The following TEX14 variants were observed in gnomAD, a reference collection of about 807,000 sequenced individuals.
TEX14 encodes testis expressed 14, intercellular bridge forming factor.
Under a neutral mutation model 178.6 loss-of-function variants are expected in TEX14, and 168 were observed. The observed-to-expected ratio is 0.94, with a 90% confidence interval of 0.83 to 1.07. The LOEUF (loss-of-function observed/expected upper bound fraction) is 1.07, where lower values mean the gene tolerates loss of function less well. Ranked by LOEUF, TEX14 falls within the 50% of genes least tolerant of loss-of-function variation. The probability of loss-of-function intolerance (pLI) is 0.00; values close to 1 mark genes in which losing one functional copy is unlikely to be tolerated. For missense variants in TEX14, 1,730 were observed against 1,753.6 expected (o/e 0.99, Z 0.24); for synonymous variants, 626 against 634.1 (o/e 0.99, Z 0.19).
intron 2 of TEX14, among the ~76,000 whole-genome samples, chr17:58,633,823 C>T (rs2046374122): frequency 6.6e-6 from 1 of 152,026 alleles, no homozygotes; most frequent in Non-Finnish European, 1.5e-5. Flanking sequence ...CAAAAATTAG[C>T]TGGGCATGGT....
At chr17:58,581,273 T>C (rs1374094081) in intron 19 of TEX14, among the ~76,000 whole-genome samples, 1 of 150,708 alleles carries the variant, frequency 6.6e-6, no homozygotes, top group African/African-American at 2.4e-5. Flanking sequence ...ATCACACCAC[T>C]GCACTCCAGC....
At chr17:58,573,077 T>A in intron 23 of TEX14, 104 bp downstream of exon 23, 1 of 1,495,112 alleles carries the variant, frequency 6.7e-7, no homozygotes, top group Non-Finnish European at 9.0e-7. Context: ...CTTTGCACTA[T>A]GACAACACAG....
rs1431403203 is a variant in TEX14, at chr17:58,613,414, A to G, written c.1005+7T>C. 5 of 1,613,976 alleles carry G rather than the reference A, an allele frequency of 3.1e-6. No homozygotes were observed. The South Asian group carries it at 5.5e-5, about 18-fold the overall frequency. On this transcript the variant is annotated splice_region_variant and intron_variant, in intron 9 of 31. Coordinates refer to ENST00000349033, the MANE Select transcript of TEX14 (RefSeq NM_031272.5). ...GCAATGGAAAATCCACGGAAACAGCAGTTTACTCGTTCATGAAGGACACTG... is the reference window on the plus strand; with the variant it reads ...GCAATGGAAAATCCACGGAAACAGCGGTTTACTCGTTCATGAAGGACACTG...
At chr17:58,615,188 T>C (rs768617196) in intron 8 of TEX14, 44 bp downstream of exon 8, 5 of 1,167,204 alleles carry the variant, frequency 4.3e-6, no homozygotes, top group South Asian at 2.5e-5. Flanking sequence ...CCTGAGTCTG[T>C]AGAGAGACCT....
rs756856156 is a variant in TEX14 at position 58,579,689 on chromosome 17, C to T, written c.3214G>A (p.Ala1072Thr). The change falls in exon 20 of 32, where the codon GCA becomes ACA. Residue 1072 changes from alanine (A) to threonine (T), a missense_variant. Ala to Thr is a moderately conservative substitution (Grantham distance 58). Around this residue, in one of 2 missense-constraint regions of TEX14, gnomAD observed 941 missense variants for 1,072.4 expected, o/e 0.88. Transcript: ENST00000349033. ...CCAGAGACTTGAGGTTGGGCAAATG[C>T]ACCTTGTATTCCTTCAAAGTCCTCT... ...IEEDFEGIQGAFAQPQVSGEE... is the reference protein window; with the variant it reads ...IEEDFEGIQGTFAQPQVSGEE... 30 of 1,613,898 alleles carry T rather than the reference C, an allele frequency of 1.9e-5. No individual in the cohort carries two copies. The highest frequency in any genetic ancestry group is 1.8e-4 in the South Asian group (16 of 91,066).
At chr17:58,651,214 G>C (rs1226146456) in intron 2 of TEX14, among the ~76,000 whole-genome samples, 7 of 152,164 alleles carry the variant, frequency 4.6e-5, no homozygotes, top group African/African-American at 1.4e-4. Context: ...GGAGGTTGAG[G>C]CTGCAGTGAG....
chr17:58,611,166 C>T lies in TEX14; in HGVS notation c.1179G>A (p.Leu393=), dbSNP rs755086962. ...CCACTCCATGTTATGCCCACCTTTC[C>T]AACATGTACTCCAGGTTGGTCAGCC... The part of the protein sequence containing the change: ...EARLTNLEYM[L]ESEDRGVQRD... Residue 393 remains leucine (L), a synonymous_variant, in exon 10 of 32, where the codon TTG becomes TTA. Transcript: ENST00000349033. 4 of 1,612,846 alleles carry T rather than the reference C, an allele frequency of 2.5e-6. No homozygotes were observed. In the South Asian group the frequency reaches 3.3e-5, roughly 13 times the overall value.
intron 19 of TEX14, among the ~76,000 whole-genome samples, chr17:58,580,187 T>C (rs2144393017): frequency 6.6e-6 from 1 of 152,310 alleles, no homozygotes; most frequent in Non-Finnish European, 1.5e-5. Flanking sequence ...CATTTCCTTT[T>C]TTTCAAACAA....
chr17:58,646,203 T>TTAATAAG (rs2046704229), intron 2 of TEX14, among the ~76,000 whole-genome samples: 1 of 152,170 alleles, frequency 6.6e-6, no homozygotes, highest in African/African-American at 2.4e-5. Flanking sequence ...CTATTATAAG[T>TTAATAAG]TAAAATGGAA....
chr17:58,573,146 C>T (rs768565502), intron 23 of TEX14, 35 bp downstream of exon 23: 1 of 1,610,510 alleles, frequency 6.2e-7, no homozygotes, highest in Non-Finnish European at 8.5e-7. Flanking sequence ...GGCTGTAAGT[C>T]CTTCTCCCCA....
rs1454744660 is a variant in TEX14 at position 58,615,242 on chromosome 17, C to T, written c.871G>A (p.Glu291Lys). 19 of 1,610,732 alleles carry T rather than the reference C, an allele frequency of 1.2e-5. No homozygotes were observed. Among genetic ancestry groups the T allele is most frequent in the Admixed American group, 5.0e-5 (3 of 59,966 alleles). Residue 291 changes from glutamate (E) to lysine (K), a missense_variant, in exon 8 of 32, where the codon GAA becomes AAA. Transcript: ENST00000349033. ...RLADLLIAEQEHSSKLRHPYL... is the reference protein window; with the variant it reads ...RLADLLIAEQKHSSKLRHPYL... ...GGGCTTCCTTCTCACCTGCTGTGTT[C>T]CTGCTCGGCAATTAACAAGTCGGCC... is the stretch of plus-strand genomic sequence containing the variant.
intron 1 of TEX14, among the ~76,000 whole-genome samples, chr17:58,666,989 C>G (rs983887650): frequency 1.3e-5 from 2 of 152,218 alleles, no homozygotes; most frequent in African/African-American, 4.8e-5. Flanking sequence ...TTCCAACCAG[C>G]AGTTCCTTCT....
chr17:58,579,514 G>C, intron 20 of TEX14, 151 bp downstream of exon 20: 1 of 631,690 alleles, frequency 1.6e-6, no homozygotes, highest in South Asian at 2.2e-5. Context: ...CTATTGAGGA[G>C]AAATCATTGA....
chr17:58,573,157 A>G (rs368252319), intron 23 of TEX14, 24 bp downstream of exon 23: 85 of 1,612,486 alleles, frequency 5.3e-5, no homozygotes, highest in Non-Finnish European at 7.0e-5. Flanking sequence ...CTTCTCCCCA[A>G]ACACTTCTCT....
intron 3 of TEX14, among the ~76,000 whole-genome samples, chr17:58,624,454 C>T (rs888044702): frequency 6.6e-6 from 1 of 150,512 alleles, no homozygotes; most frequent in African/African-American, 2.4e-5. Context: ...GGTTCTTCTG[C>T]CTCAGCCTCC....
At chr17:58,609,148 C>G (rs186107915) in intron 10 of TEX14, among the ~76,000 whole-genome samples, 1 of 152,242 alleles carries the variant, frequency 6.6e-6, no homozygotes, top group Admixed American at 6.5e-5. Flanking sequence ...CTCGCTCTGT[C>G]GCCCAGGCTG....
chr17:58,594,954 G>C (rs888269181), intron 14 of TEX14, among the ~76,000 whole-genome samples: 3 of 152,120 alleles, frequency 2.0e-5, no homozygotes, highest in African/African-American at 7.2e-5. Flanking sequence ...ATGTGTAAAA[G>C]TGAGAAGGAG....
chr17:58,603,907 G>C lies in TEX14; in HGVS notation c.1336+1071C>G, dbSNP rs1189319871. On this transcript the variant is annotated intron_variant, in intron 11 of 31. Coordinates refer to ENST00000349033, the MANE Select transcript of TEX14 (RefSeq NM_031272.5). ...TTTTACTGTGTGTGTGTGTGTGTGTGTGTGTGTGTGTGTGTGTGTGTGTGT... is the reference window on the plus strand; with the variant it reads ...TTTTACTGTGTGTGTGTGTGTGTGTCTGTGTGTGTGTGTGTGTGTGTGTGT... Among the ~76,000 whole-genome samples, 833 of 142,502 alleles carry C rather than the reference G, an allele frequency of 5.8e-3. 11 individuals are homozygous for C. Among genetic ancestry groups the C allele is most frequent in the African/African-American group, 0.021 (769 of 36,718 alleles). The allele number at this position is 142,502 out of a possible 152,430, so 93.5% of individuals were successfully genotyped here. A position where few individuals can be genotyped will look rare whatever the true frequency, so the allele number is the denominator to read the frequency against.
intron 1 of TEX14, among the ~76,000 whole-genome samples, chr17:58,680,208 G>A (rs983526779): frequency 2.6e-5 from 4 of 151,964 alleles, no homozygotes; most frequent in South Asian, 4.1e-4. Flanking sequence ...AAACAGGCGC[G>A]CACGGCTTTC....
Sources: allele counts gnomAD v4.1 joint callset (sites outside exome capture counted in the v4.1 genomes callset), GRCh38; gene constraint gnomAD v4.1.1; regional missense constraint gnomAD v4.1.1; transcripts MANE v1.5; gene names NCBI Gene and HGNC (gene_info 2026-07-23, HGNC 2026-07-21).